Variants in GABBR2 observed in about 807,000 individuals in gnomAD.
The protein encoded by GABBR2 is G-protein coupled receptor 51.
Under a neutral mutation model 105.6 loss-of-function variants are expected in GABBR2, and 23 were observed. The ratio of observed to expected loss-of-function variants is 0.22; its 90% CI spans 0.16 to 0.31. The LOEUF is 0.31. Ranked by LOEUF, GABBR2 falls within the 10% of genes least tolerant of loss-of-function variation. The pLI is 1.00. For missense variants in GABBR2, 734 were observed against 1,245.5 expected, an observed-to-expected ratio of 0.59 and a Z score of 6.18; for synonymous variants, 478 against 499.7, an observed-to-expected ratio of 0.96 and a Z score of 0.58.
At chr9:98,469,250 C>A (rs1392425152) in intron 6 of GABBR2, among the ~76,000 whole-genome samples, 1 of 152,128 alleles carries the variant, frequency 6.6e-6, no homozygotes, top group Non-Finnish European at 1.5e-5. Context: ...AAAGTAAGAA[C>A]CTTCTTCACA....
At chr9:98,657,387 C>A (rs543802030) in intron 1 of GABBR2, among the ~76,000 whole-genome samples, 3 of 152,260 alleles carry the variant, frequency 2.0e-5, no homozygotes, top group Admixed American at 6.5e-5. Context: ...GAATTAAAAA[C>A]CCTCCCAGCA....
At chr9:98,513,231 C>G (rs1362041397) in intron 3 of GABBR2, among the ~76,000 whole-genome samples, 3 of 151,008 alleles carry the variant, frequency 2.0e-5, no homozygotes, top group Non-Finnish European at 3.0e-5. Context: ...GGATCCCTTC[C>G]TTACACCTTA....
intron 7 of GABBR2, among the ~76,000 whole-genome samples, chr9:98,453,734 A>G (rs1826275473): frequency 6.6e-6 from 1 of 152,208 alleles, no homozygotes; most frequent in South Asian, 2.1e-4. Flanking sequence ...GCCTACCTTC[A>G]GCAAGTACCT....
intron 13 of GABBR2, among the ~76,000 whole-genome samples, chr9:98,352,312 C>T (rs1175853825): frequency 6.6e-6 from 1 of 152,092 alleles, no homozygotes; most frequent in East Asian, 1.9e-4. Flanking sequence ...AATGGTGGGC[C>T]TAGGTGGAAT....
intron 17 of GABBR2, among the ~76,000 whole-genome samples, 187 bp downstream of exon 17, chr9:98,299,037 G>A (rs1174563414): frequency 1.3e-5 from 2 of 152,224 alleles, no homozygotes; most frequent in Non-Finnish European, 2.9e-5. Context: ...GCAGGGTGGG[G>A]CTCAAAGCGG....
chr9:98,424,799 C>A (rs1274760034), intron 7 of GABBR2, among the ~76,000 whole-genome samples: 13 of 152,062 alleles, frequency 8.5e-5, no homozygotes, highest in Non-Finnish European at 1.5e-5. Flanking sequence ...CTCTTCAAGG[C>A]GAACTACAAA....
intron 7 of GABBR2, among the ~76,000 whole-genome samples, chr9:98,438,136 A>T (rs1056144892): frequency 5.4e-5 from 8 of 148,498 alleles, no homozygotes; most frequent in African/African-American, 2.0e-4. Context: ...ATATTTACCT[A>T]CCCACACGTT....
At chr9:98,596,270 G>C (rs1829232366) in intron 1 of GABBR2, among the ~76,000 whole-genome samples, 1 of 152,250 alleles carries the variant, frequency 6.6e-6, no homozygotes. Context: ...CAAAGGGCTG[G>C]AAAGAGTGCT....
At chr9:98,399,599 G>T (rs1405319047) in intron 8 of GABBR2, among the ~76,000 whole-genome samples, 1 of 152,146 alleles carries the variant, frequency 6.6e-6, no homozygotes, top group Non-Finnish European at 1.5e-5. Flanking sequence ...CCCAACCAGT[G>T]CCAGCCAGCA....
rs188938689 is a variant in GABBR2, at chr9:98,361,986, T to C, written c.1893+729A>G. ...ACACTAAATTCCCACAAAAGATCTCTCTAACAAAGCAGTGAGAGAAACAGA... is the reference window on the plus strand; with the variant it reads ...ACACTAAATTCCCACAAAAGATCTCCCTAACAAAGCAGTGAGAGAAACAGA... On this transcript the variant is annotated intron_variant, in intron 13 of 18. Transcript: ENST00000259455. 8.5e-5 allele frequency among the ~76,000 whole-genome samples: 13 copies of C among 152,332 alleles called. No individual in the cohort carries two copies. In the East Asian group the frequency reaches 2.5e-3, roughly 29 times the overall value.
chr9:98,408,924 A>T (rs991114650), intron 7 of GABBR2, among the ~76,000 whole-genome samples: 3 of 152,214 alleles, frequency 2.0e-5, no homozygotes, highest in African/African-American at 7.2e-5. Flanking sequence ...TTACAGGCAC[A>T]CACATCATTA....
intron 1 of GABBR2, among the ~76,000 whole-genome samples, chr9:98,582,938 T>C (rs1230361773): frequency 1.3e-5 from 2 of 152,200 alleles, no homozygotes; most frequent in African/African-American, 4.8e-5. Flanking sequence ...TTGTCCACTG[T>C]CTTGCCAGGA....
intron 1 of GABBR2, among the ~76,000 whole-genome samples, chr9:98,656,931 G>T (rs531328480): frequency 6.6e-6 from 1 of 152,354 alleles, no homozygotes; most frequent in South Asian, 2.1e-4. Context: ...GCTGGCCCTA[G>T]ATGCTGGATC....
intron 13 of GABBR2, among the ~76,000 whole-genome samples, chr9:98,327,208 A>C (rs956276309): frequency 2.0e-5 from 3 of 152,214 alleles, no homozygotes; most frequent in Non-Finnish European, 4.4e-5. Context: ...GAAAGAAAAC[A>C]TGGAAACATT....
At chr9:98,602,239 C>T (rs1564127567) in intron 1 of GABBR2, among the ~76,000 whole-genome samples, 1 of 151,250 alleles carries the variant, frequency 6.6e-6, no homozygotes, top group Non-Finnish European at 1.5e-5. Flanking sequence ...TTTGGGAGGC[C>T]GAGGCAGATG....
chr9:98,331,610 G>A (rs1831027437), intron 13 of GABBR2, among the ~76,000 whole-genome samples: 1 of 152,098 alleles, frequency 6.6e-6, no homozygotes, highest in South Asian at 2.1e-4. Context: ...CTGGCACATA[G>A]TGGGTGCCCA....
At chr9:98,397,185 G>A (rs1832308178) in intron 8 of GABBR2, among the ~76,000 whole-genome samples, 1 of 152,186 alleles carries the variant, frequency 6.6e-6, no homozygotes, top group South Asian at 2.1e-4. Context: ...GCCAGGCTCA[G>A]CTCATGGTAT....
At position 98,513,858 on chromosome 9, in the gene GABBR2, A is replaced by T. The variant is rs188587629; in HGVS notation, c.631-17344T>A. 3.8e-3 allele frequency among the ~76,000 whole-genome samples: 578 copies of T among 152,330 alleles called. 2 individuals are homozygous for T. The highest frequency in any genetic ancestry group is 0.013 in the African/African-American group (549 of 41,572). ...GTGGAAGTCAGTGCGGCGATTCCTC[A>T]GGGATCTAGAAGTAGAAATACCATT... On this transcript the variant is annotated intron_variant, in intron 3 of 18. Transcript: ENST00000259455.
intron 1 of GABBR2, among the ~76,000 whole-genome samples, chr9:98,708,002 G>T (rs1468011395): frequency 6.6e-6 from 1 of 152,236 alleles, no homozygotes. Context: ...TCCGGCCCTG[G>T]GTGGCCCAGT....
Sources: gnomAD v4.1 joint callset for allele counts (sites outside exome capture counted in the v4.1 genomes callset) on GRCh38, gnomAD v4.1.1 for gene constraint, MANE v1.5 for transcripts, NCBI Gene and HGNC (gene_info 2026-07-23, HGNC 2026-07-21) for gene names.